Variants in INKA2 observed in about 807,000 individuals in gnomAD.
INKA2 encodes the protein PAK4-inhibitor INKA2.
INKA2 carries 3 observed loss-of-function variants against 9.8 expected under a neutral mutation model. The ratio of observed to expected loss-of-function variants is 0.31; its 90% CI spans 0.14 to 0.79. The LOEUF (loss-of-function observed/expected upper bound fraction) is 0.79, where lower values mean the gene tolerates loss of function less well. Ranked by LOEUF, INKA2 falls within the 30% of genes least tolerant of loss-of-function variation. INKA2 has a pLI of 0.62. For synonymous variants in INKA2, 147 were observed against 143.3 expected (o/e 1.03, Z -0.18); for missense variants, 392 against 384.4 (o/e 1.02, Z -0.17).
intron 1 of INKA2, among the ~76,000 whole-genome samples, chr1:111,749,993 A>C (rs1338218367): frequency 6.6e-6 from 1 of 152,212 alleles, no homozygotes; most frequent in Admixed American, 6.5e-5. Flanking sequence ...ATGTCCCATC[A>C]GTCTCTAATA....
rs140979012 is a variant in INKA2, at chr1:111,733,989, G to A, written c.57+5197C>T. Among the ~76,000 whole-genome samples the A allele has an allele frequency of 1.4e-3, 210 of 152,320 alleles. 3 individuals are homozygous for A. The highest frequency in any genetic ancestry group is 4.6e-3 in the African/African-American group (193 of 41,568). The stretch of plus-strand genomic sequence containing the variant: ...CCACAAAGTTCCTTTCAGCCCCTGG[G>A]GAAGCTAGGAGGAGGCTGAGGGCCG... On this transcript the variant is annotated intron_variant, in intron 1 of 1. Coordinates refer to ENST00000357260, the MANE Select transcript of INKA2 (RefSeq NM_019099.5).
intron 1 of INKA2, among the ~76,000 whole-genome samples, chr1:111,736,068 C>G (rs1045571923): frequency 2.0e-5 from 3 of 152,252 alleles, no homozygotes; most frequent in African/African-American, 7.2e-5. Context: ...CACAAGGGAG[C>G]TGTGCGTACG....
At chr1:111,738,135 G>T (rs939625912) in intron 1 of INKA2, among the ~76,000 whole-genome samples, 7 of 152,162 alleles carry the variant, frequency 4.6e-5, no homozygotes, top group African/African-American at 1.7e-4. Flanking sequence ...GAGAAGAGTC[G>T]ACTCCAAGAG....
At chr1:111,754,070 G>A (rs1663470053) in intron 1 of INKA2, 1 of 152,188 alleles carries the variant, frequency 6.6e-6, no homozygotes. Context: ...GGATGATAAA[G>A]GGATCTAAAA....
chr1:111,728,790 A>G (rs1662845516), intron 1 of INKA2, among the ~76,000 whole-genome samples: 1 of 152,212 alleles, frequency 6.6e-6, no homozygotes, highest in Non-Finnish European at 1.5e-5. Context: ...CAAATATTCG[A>G]AAATCCAAAA....
chr1:111,723,063 C>G lies in INKA2; in HGVS notation c.*3905G>C. 1.4e-6 allele frequency: 1 copy of G among 702,082 alleles called. No homozygotes were observed. Among genetic ancestry groups the G allele is most frequent in the Non-Finnish European group, 2.6e-6 (1 of 384,682 alleles). The allele number at this position is 702,082 out of a possible 1,614,324, so 43.5% of individuals were successfully genotyped here. A position where few individuals can be genotyped will look rare whatever the true frequency, so the allele number is the denominator to read the frequency against. ...AGAGGGGGCTCTCAAATCTTAACTC[C>G]AAGTCTAGTGCTCATACCATGGTGC... On this transcript the variant is annotated 3_prime_UTR_variant, in exon 2 of 2. Transcript: ENST00000357260.
At chr1:111,748,840 ACTT>A (rs992637107) in intron 1 of INKA2, among the ~76,000 whole-genome samples, 1 of 152,014 alleles carries the variant, frequency 6.6e-6, no homozygotes, top group Non-Finnish European at 1.5e-5. Context: ...AGTGACAATT[ACTT>A]CTTCTTTCCT....
intron 1 of INKA2, chr1:111,745,291 A>ATT (rs1300146205): frequency 0.019 from 919 of 49,298 alleles, 17 homozygotes; most frequent in East Asian, 0.043. Flanking sequence ...ATATATATAT[A>ATT]TATTTTTTTT....
upstream of INKA2, among the ~76,000 whole-genome samples, chr1:111,740,697 C>T (rs1663126097): frequency 1.3e-5 from 2 of 152,034 alleles, no homozygotes; most frequent in South Asian, 4.1e-4. Context: ...TTGAAAGATG[C>T]GCGGGTGGCG....
upstream of INKA2, chr1:111,739,512 G>C (rs901582526): frequency 1.5e-5 from 17 of 1,170,254 alleles, no homozygotes; most frequent in Non-Finnish European, 1.9e-5. Flanking sequence ...CCGGGAGGCC[G>C]GGCTGGGCGG....
At position 111,723,226 on chromosome 1, in the gene INKA2, TGGA is replaced by T; in HGVS notation, c.*3739_*3741del. On this transcript the variant is annotated 3_prime_UTR_variant, in exon 2 of 2. Coordinates refer to ENST00000357260, the MANE Select transcript of INKA2 (RefSeq NM_019099.5). ...AAACGATGGTGTGACTTGGGAAAGA[TGGA>T]GGAGCCTCTCCCCAACAAGGCCCTA... 6.7e-6 allele frequency: 4 copies of T among 599,548 alleles called. No homozygotes were observed. Among genetic ancestry groups the T allele is most frequent in the Non-Finnish European group, 1.2e-5 (4 of 335,894 alleles). 37.1% of individuals were successfully genotyped at this position (599,548 alleles called of 1,614,324 possible). A position where few individuals can be genotyped will look rare whatever the true frequency, so the allele number is the denominator to read the frequency against.
At chr1:111,750,907 C>T (rs1276768435) in intron 1 of INKA2, among the ~76,000 whole-genome samples, 1 of 152,216 alleles carries the variant, frequency 6.6e-6, no homozygotes, top group Middle Eastern at 3.2e-3. Context: ...TTCTGCCATA[C>T]CTGCCTCTAC....
Position 111,722,893 on chromosome 1 carries a change from GCTT to G in INKA2, c.*4072_*4074del, listed in dbSNP as rs1662678774. On this transcript the variant is annotated 3_prime_UTR_variant, in exon 2 of 2. Transcript: ENST00000357260. The stretch of plus-strand genomic sequence containing the variant: ...GGATGGGTTGTCCAGTATCTGCTGA[GCTT>G]CTGCTGTATTCCAGGCAGTGCTTGG... 1 of 558,530 alleles carries G rather than the reference GCTT, an allele frequency of 1.8e-6. No individual in the cohort carries two copies. The highest frequency in any genetic ancestry group is 3.2e-6 in the Non-Finnish European group (1 of 314,038). The allele number at this position is 558,530 out of a possible 1,614,324, so 34.6% of individuals were successfully genotyped here. A position where few individuals can be genotyped will look rare whatever the true frequency, so the allele number is the denominator to read the frequency against.
chr1:111,755,522 C>T (rs1254151327), intron 1 of INKA2: 4 of 673,888 alleles, frequency 5.9e-6, no homozygotes, highest in Non-Finnish European at 7.3e-6. Flanking sequence ...GCCAGCGGAA[C>T]GGAAAACGGA....
chr1:111,745,231 T>TATATACACACACACAC (rs1356034280), intron 1 of INKA2: 3 of 112,724 alleles, frequency 2.7e-5, no homozygotes, highest in Admixed American at 1.0e-4. Context: ...CAAGCAAATA[T>TATATACACACACACAC]ACACACACAC....
Position 111,727,583 on chromosome 1 carries a change from G to C in INKA2, c.279C>G (p.Pro93=), listed in dbSNP as rs1162478035. The change falls in exon 2 of 2, where the codon CCC becomes CCG. Residue 93 remains proline (P), a synonymous_variant. Coordinates refer to ENST00000357260, the MANE Select transcript of INKA2 (RefSeq NM_019099.5). ...TGCTGCCAAGAGAAGGTTGACTGGA[G>C]GGGGAACAGACTGTGGGCCTGGCAG... ...RGPARPTVCS[P]SSQPSLGSST... 1 of 1,612,146 alleles carries C rather than the reference G, an allele frequency of 6.2e-7. No homozygotes were observed. The highest frequency in any genetic ancestry group is 2.2e-5 in the East Asian group (1 of 44,866).
chr1:111,743,826 C>T (rs527707045), upstream of INKA2, among the ~76,000 whole-genome samples: 52 of 152,346 alleles, frequency 3.4e-4, no homozygotes, highest in African/African-American at 1.2e-3. Flanking sequence ...CATTCCTTGC[C>T]CCCGACTGTG....
chr1:111,755,173 G>A (rs1302689449), intron 1 of INKA2: 1 of 158,330 alleles, frequency 6.3e-6, no homozygotes, highest in Non-Finnish European at 1.4e-5. Flanking sequence ...CGGATGCATG[G>A]AGGCGGATGC....
At chr1:111,753,517 C>G (rs1486171295) in intron 1 of INKA2, among the ~76,000 whole-genome samples, 2 of 152,168 alleles carry the variant, frequency 1.3e-5, no homozygotes, top group Admixed American at 6.5e-5. Flanking sequence ...GTCTGTAAAA[C>G]ATCAAAAACA....
Sources: allele counts gnomAD v4.1 joint callset (sites outside exome capture counted in the v4.1 genomes callset), GRCh38; gene constraint gnomAD v4.1.1; transcripts MANE v1.5; gene names NCBI Gene and HGNC (gene_info 2026-07-23, HGNC 2026-07-21).